Variants in NELL2 observed in about 807,000 individuals in gnomAD.
NELL2 encodes the protein neural EGFL like 2.
A neutral mutation model predicts 109.6 loss-of-function variants in NELL2; 41 were observed. The ratio of observed to expected loss-of-function variants is 0.37; its 90% CI spans 0.29 to 0.49. The LOEUF is 0.49. Among genes scored for constraint, NELL2 ranks in the 20% least tolerant of loss-of-function variants. NELL2 has a pLI of 0.98. For synonymous variants in NELL2, 355 were observed against 344.7 expected (o/e 1.03, Z -0.33); for missense variants, 900 against 1,008.3 (o/e 0.89, Z 1.45).
chr12:44,668,345 C>T (rs1353655430), intron 12 of NELL2, among the ~76,000 whole-genome samples: 2 of 152,152 alleles, frequency 1.3e-5, no homozygotes, highest in Non-Finnish European at 2.9e-5. Context: ...AGCAGGGCTA[C>T]CATGTACCCA....
intron 19 of NELL2, among the ~76,000 whole-genome samples, chr12:44,509,489 T>TAG (rs1940884667): frequency 6.6e-6 from 1 of 152,098 alleles, no homozygotes; most frequent in Admixed American, 6.5e-5. Flanking sequence ...GGTAAAGCCT[T>TAG]TGAGAGGTAA....
chr12:44,606,044 A>G (rs1205945104), intron 15 of NELL2, among the ~76,000 whole-genome samples: 1 of 152,298 alleles, frequency 6.6e-6, no homozygotes, highest in East Asian at 1.9e-4. Context: ...GATCCCCTTA[A>G]GAAAGAATCC....
At chr12:44,524,834 C>T (rs776842014) in intron 16 of NELL2, among the ~76,000 whole-genome samples, 5 of 151,932 alleles carry the variant, frequency 3.3e-5, no homozygotes, top group Non-Finnish European at 7.4e-5. Flanking sequence ...AAACTGCTAG[C>T]CAGGATGAGA....
chr12:44,519,954 C>T, intron 19 of NELL2, 51 bp downstream of exon 19: 1 of 1,499,648 alleles, frequency 6.7e-7, no homozygotes, highest in Non-Finnish European at 9.3e-7. Context: ...TATCTATGAG[C>T]CCTGGGTGCA....
chr12:44,906,268 A>G (rs1592715438), intron 1 of NELL2, among the ~76,000 whole-genome samples: 1 of 152,096 alleles, frequency 6.6e-6, no homozygotes, highest in East Asian at 1.9e-4. Context: ...GATTGGGGTT[A>G]GGAAGAGAGT....
At chr12:44,818,724 T>C (rs1331993835) in intron 2 of NELL2, among the ~76,000 whole-genome samples, 5 of 117,482 alleles carry the variant, frequency 4.3e-5, no homozygotes, top group African/African-American at 1.7e-4. Context: ...TTTGTTCACT[T>C]ATTTTTTTTT....
At chr12:44,563,690 C>A (rs1398599275) in intron 15 of NELL2, among the ~76,000 whole-genome samples, 3 of 152,132 alleles carry the variant, frequency 2.0e-5, no homozygotes, top group African/African-American at 7.2e-5. Context: ...TTCTAGTGCC[C>A]TGGGGCCATC....
chr12:44,541,273 A>T (rs1942556546), intron 15 of NELL2, among the ~76,000 whole-genome samples: 2 of 151,052 alleles, frequency 1.3e-5, no homozygotes, highest in Non-Finnish European at 3.0e-5. Context: ...AAAAGAAAAA[A>T]AAAAGAAATA....
chr12:44,557,865 C>G (rs149605625), intron 15 of NELL2, among the ~76,000 whole-genome samples: 1 of 152,052 alleles, frequency 6.6e-6, no homozygotes, highest in East Asian at 1.9e-4. Flanking sequence ...AAGGGCACCC[C>G]GAGCAGTAAA....
chr12:44,516,425 AATG>A (rs1179917273), intron 19 of NELL2, among the ~76,000 whole-genome samples: 1 of 152,132 alleles, frequency 6.6e-6, no homozygotes, highest in African/African-American at 2.4e-5. Context: ...TGTATTTTTT[AATG>A]ATATTAACAG....
intron 1 of NELL2, among the ~76,000 whole-genome samples, chr12:44,882,754 C>G (rs1293009493): frequency 6.6e-6 from 1 of 151,372 alleles, no homozygotes; most frequent in African/African-American, 2.4e-5. Flanking sequence ...TCTCAAACTC[C>G]TGACCCCAGG....
chr12:44,757,570 G>T (rs893350144), intron 9 of NELL2, among the ~76,000 whole-genome samples: 25 of 152,114 alleles, frequency 1.6e-4, no homozygotes, highest in African/African-American at 5.5e-4. Flanking sequence ...AACTAGAAAA[G>T]ATTTTCTTTT....
At chr12:44,719,370 A>T (rs1938651902) in intron 9 of NELL2, among the ~76,000 whole-genome samples, 1 of 152,178 alleles carries the variant, frequency 6.6e-6, no homozygotes, top group African/African-American at 2.4e-5. Context: ...AACTTTAGCA[A>T]ACCCTTGTAG....
intron 1 of NELL2, among the ~76,000 whole-genome samples, chr12:44,904,255 G>T (rs888001347): frequency 6.6e-6 from 1 of 151,930 alleles, no homozygotes; most frequent in Non-Finnish European, 1.5e-5. Context: ...ATGGGAAAAG[G>T]CTAGATCAGA....
At chr12:44,722,333 T>A (rs1257482385) in intron 9 of NELL2, among the ~76,000 whole-genome samples, 1 of 152,116 alleles carries the variant, frequency 6.6e-6, no homozygotes, top group Non-Finnish European at 1.5e-5. Context: ...GCCCCACTAA[T>A]TTTTTAATTT....
At chr12:44,749,133 G>A (rs76184864) in intron 9 of NELL2, among the ~76,000 whole-genome samples, 1 of 152,216 alleles carries the variant, frequency 6.6e-6, no homozygotes, top group East Asian at 1.9e-4. Context: ...AGATTGGCAC[G>A]TAATGACCCA....
At chr12:44,898,278 G>T (rs1258529739) in intron 1 of NELL2, among the ~76,000 whole-genome samples, 1 of 152,172 alleles carries the variant, frequency 6.6e-6, no homozygotes, top group Admixed American at 6.5e-5. Context: ...ACCTCCTCAA[G>T]TGGGTCCCTG....
At chr12:44,747,544 T>C (rs1234809664) in intron 9 of NELL2, among the ~76,000 whole-genome samples, 2 of 152,158 alleles carry the variant, frequency 1.3e-5, no homozygotes, top group African/African-American at 2.4e-5. Flanking sequence ...TTAAGACTTC[T>C]GGTTAACATT....
chr12:44,580,962 T>G (rs771831982), intron 15 of NELL2, among the ~76,000 whole-genome samples: 1 of 152,180 alleles, frequency 6.6e-6, no homozygotes, highest in African/African-American at 2.4e-5. Flanking sequence ...GATTGCAAAA[T>G]AGTCAATAAA....
Sources: allele counts gnomAD v4.1 joint callset (sites outside exome capture counted in the v4.1 genomes callset), GRCh38; gene constraint gnomAD v4.1.1; transcripts MANE v1.5; gene names NCBI Gene and HGNC (gene_info 2026-07-23, HGNC 2026-07-21).